Variants in BCAS3 observed in about 807,000 individuals in gnomAD.
BCAS3 encodes BCAS4/BCAS3 fusion.
A neutral mutation model predicts 116.1 loss-of-function variants in BCAS3; 53 were observed. That is an observed-to-expected ratio of 0.46 (90% CI 0.37 to 0.57). The LOEUF is 0.57. Among genes scored for constraint, BCAS3 ranks in the 20% least tolerant of loss-of-function variants. The probability of loss-of-function intolerance (pLI) is 0.00; values close to 1 mark genes in which losing one functional copy is unlikely to be tolerated. For synonymous variants in BCAS3, 391 were observed against 408.2 expected (o/e 0.96, Z 0.51); for missense variants, 917 against 1,165.4 (o/e 0.79, Z 3.10).
rs144299230 is a variant in BCAS3, at chr17:60,765,004, G to T, written c.403+17725G>T. Reference sequence around the variant, plus strand: ...TAAAGTCTGTTTTATCAGAGCCTAGGATTGCAACCCCTGCTTTTTTTTGCT... The same window carrying T: ...TAAAGTCTGTTTTATCAGAGCCTAGTATTGCAACCCCTGCTTTTTTTTGCT... On this transcript the variant is annotated intron_variant, in intron 6 of 23. Coordinates refer to ENST00000407086, the MANE Select transcript of BCAS3 (RefSeq NM_017679.5). Among the ~76,000 whole-genome samples the T allele has an allele frequency of 1.1e-3, 174 of 152,202 alleles. 2 individuals carry two copies. In the East Asian group the frequency reaches 0.025, roughly 22 times the overall value.
At position 61,324,364 on chromosome 17, in the gene BCAS3, C is replaced by T. The variant is rs925062310; in HGVS notation, c.2426-43963C>T. On this transcript the variant is annotated intron_variant, in intron 22 of 23. Transcript: ENST00000407086. The surrounding 1 kb of genome is among the most constrained non-coding windows in gnomAD (Gnocchi z 4.6). ...GATTAGACTAAGGCAGAGATTCACC[C>T]ATTTGACCCCTGCAAGGCTGATCAC... is the stretch of plus-strand genomic sequence containing the variant. Among the ~76,000 whole-genome samples the T allele has an allele frequency of 1.3e-5, 2 of 152,322 alleles. No individual in the cohort carries two copies. The highest frequency in any genetic ancestry group is 2.9e-5 in the Non-Finnish European group (2 of 68,026).
At chr17:61,369,120 C>T (rs1170622640) in intron 23 of BCAS3, among the ~76,000 whole-genome samples, 5 of 152,204 alleles carry the variant, frequency 3.3e-5, no homozygotes, top group South Asian at 4.1e-4. Context: ...AACATGCACT[C>T]AGGAAAGCCA....
intron 22 of BCAS3, among the ~76,000 whole-genome samples, chr17:61,320,031 A>G (rs975570354): frequency 9.9e-5 from 15 of 151,382 alleles, no homozygotes; most frequent in Non-Finnish European, 2.1e-4. Context: ...CTGGGATTAC[A>G]GGCTCGTGCC....
chr17:61,272,664 A>G (rs920281725), intron 22 of BCAS3, among the ~76,000 whole-genome samples: 2 of 142,596 alleles, frequency 1.4e-5, no homozygotes, highest in African/African-American at 5.3e-5. Flanking sequence ...AAAAAAAAAA[A>G]AAAGCAATTT....
chr17:60,746,640 C>CT lies in BCAS3; in HGVS notation c.322-551dup, dbSNP rs556167167. ...ATTGAAATTAGAAGTATCCTGGCAGCTTTTTTTAGCAGCTTTTCCTTTTCG... is the reference window on the plus strand; with the variant it reads ...ATTGAAATTAGAAGTATCCTGGCAGCTTTTTTTTAGCAGCTTTTCCTTTTCG... On this transcript the variant is annotated intron_variant, in intron 5 of 23. Transcript: ENST00000407086. 2.2e-3 allele frequency among the ~76,000 whole-genome samples: 330 copies of CT among 151,940 alleles called. 4 individuals carry two copies. The highest frequency in any genetic ancestry group is 0.017 in the South Asian group (83 of 4,800).
At chr17:60,894,709 A>G (rs1296535542) in intron 10 of BCAS3, among the ~76,000 whole-genome samples, 3 of 152,148 alleles carry the variant, frequency 2.0e-5, no homozygotes, top group African/African-American at 2.4e-5. Context: ...GTTTTGTCAT[A>G]TATGGTCTTT....
chr17:60,750,438 C>T (rs1019118252), intron 6 of BCAS3, among the ~76,000 whole-genome samples: 1 of 151,960 alleles, frequency 6.6e-6, no homozygotes, highest in African/African-American at 2.4e-5. Context: ...ACTTCTGTCA[C>T]CACTTCTATT....
intron 19 of BCAS3, among the ~76,000 whole-genome samples, chr17:61,069,567 G>C (rs2071089546): frequency 6.6e-6 from 1 of 152,168 alleles, no homozygotes; most frequent in South Asian, 2.1e-4. Context: ...GCCAGGTGTG[G>C]TGGTTCATGC....
At chr17:60,863,171 A>G (rs180823689) in intron 7 of BCAS3, among the ~76,000 whole-genome samples, 31 of 152,180 alleles carry the variant, frequency 2.0e-4, no homozygotes, top group Admixed American at 9.8e-4. Context: ...TCTTTTCATC[A>G]TTTAGTTATA....
chr17:60,902,662 A>G lies in BCAS3; in HGVS notation c.781A>G (p.Asn261Asp), dbSNP rs1000516404. ...GTCCCGTGGTGGAGCCTGTGGAGAC[A>G]ACATTCAGTCTTATACTGCCACAGT... ...HQSRGGACGD[N>D]IQSYTATVIS... The change falls in exon 11 of 24, where the codon AAC (asparagine) becomes GAC (aspartate). Residue 261 changes from asparagine (N) to aspartate (D), a missense_variant. Asn to Asp is a conservative substitution (Grantham distance 23, BLOSUM62 1). Coordinates refer to ENST00000407086, the MANE Select transcript of BCAS3 (RefSeq NM_017679.5). 6.2e-7 allele frequency: 1 copy of G among 1,613,328 alleles called. No individual in the cohort carries two copies. The highest frequency in any genetic ancestry group is 1.1e-5 in the South Asian group (1 of 91,066).
intron 22 of BCAS3, chr17:61,159,541 G>A (rs1235180253): frequency 6.6e-6 from 1 of 152,196 alleles, no homozygotes; most frequent in East Asian, 1.9e-4. Context: ...TCTTCAGACA[G>A]TAATCTTGTG....
chr17:60,795,356 TCAGCAA>T (rs2047119742), intron 6 of BCAS3, among the ~76,000 whole-genome samples: 1 of 152,164 alleles, frequency 6.6e-6, no homozygotes, highest in South Asian at 2.1e-4. Context: ...GATCATATTG[TCAGCAA>T]ACAGTGACAG....
At position 61,337,924 on chromosome 17, in the gene BCAS3, G is replaced by C. The variant is rs191637774; in HGVS notation, c.2426-30403G>C. ...AAACCAAGGCTCGGTGAGGTAAAGCGCTTCATCCAGTACCCCACAGCTCTA... is the reference window on the plus strand; with the variant it reads ...AAACCAAGGCTCGGTGAGGTAAAGCCCTTCATCCAGTACCCCACAGCTCTA... On this transcript the variant is annotated intron_variant, in intron 22 of 23. Coordinates refer to ENST00000407086, the MANE Select transcript of BCAS3 (RefSeq NM_017679.5). The surrounding 1 kb of genome is among the most constrained non-coding windows in gnomAD (Gnocchi z 4.8). Among the ~76,000 whole-genome samples the C allele has an allele frequency of 2.6e-3, 401 of 152,272 alleles. No homozygotes were observed. The highest frequency in any genetic ancestry group is 5.5e-3 in the Admixed American group (84 of 15,292).
Position 61,228,313 on chromosome 17 carries a change from T to TTTATA in BCAS3, c.2426-140014_2426-140013insTTATA, listed in dbSNP as rs574459433. Among the ~76,000 whole-genome samples the TTTATA allele has an allele frequency of 5.8e-3, 890 of 152,312 alleles. 5 individuals are homozygous for TTTATA. The highest frequency in any genetic ancestry group is 0.02 in the Middle Eastern group (6 of 294). On this transcript the variant is annotated intron_variant, in intron 22 of 23. Transcript: ENST00000407086. This position sits in a 1 kb window ranked among gnomAD's most constrained non-coding sequence, Gnocchi z 5.0. Reference sequence around the variant, plus strand: ...CATCAAAATCTATTACCAGAAAAGTTGCCTTACCAGGAAACCGTAATTTAT... The same window carrying TTTATA: ...CATCAAAATCTATTACCAGAAAAGTTTTATAGCCTTACCAGGAAACCGTAATTTAT...
chr17:61,234,248 G>T (rs959158056), intron 22 of BCAS3, among the ~76,000 whole-genome samples: 1 of 152,110 alleles, frequency 6.6e-6, no homozygotes, highest in African/African-American at 2.4e-5. Flanking sequence ...CTGAGTACTA[G>T]GATACAGCTC....
At chr17:60,776,480 G>A (rs1170121051) in intron 6 of BCAS3, among the ~76,000 whole-genome samples, 1 of 152,128 alleles carries the variant, frequency 6.6e-6, no homozygotes, top group African/African-American at 2.4e-5. Flanking sequence ...CAGCACTTTG[G>A]GAGACCGAGG....
intron 5 of BCAS3, chr17:60,720,460 A>G (rs569979629): frequency 2.0e-5 from 3 of 152,050 alleles, no homozygotes; most frequent in Non-Finnish European, 4.4e-5. Flanking sequence ...TGAAATGCTT[A>G]TTTTTTTCTT....
chr17:60,868,545 A>G (rs764655566), intron 7 of BCAS3, 31 bp from the exon 8 acceptor site: 77 of 1,402,648 alleles, frequency 5.5e-5, no homozygotes, highest in Non-Finnish European at 7.4e-5. Context: ...TTTTAAAAAA[A>G]TGACATTTTT....
chr17:61,247,396 TA>T (rs2082593727), intron 22 of BCAS3, among the ~76,000 whole-genome samples: 1 of 152,204 alleles, frequency 6.6e-6, no homozygotes, highest in South Asian at 2.1e-4. Flanking sequence ...AAAATACTTA[TA>T]TTTAAGTATT....
Sources: allele counts gnomAD v4.1 joint callset (sites outside exome capture counted in the v4.1 genomes callset), GRCh38; gene constraint gnomAD v4.1.1; non-coding constraint Gnocchi (gnomAD v3.1); transcripts MANE v1.5; gene names NCBI Gene and HGNC (gene_info 2026-07-23, HGNC 2026-07-21).